BCL9L: variants seen among roughly 807,000 people sequenced by gnomAD.
The protein encoded by BCL9L is BCL9 like.
In BCL9L, 19 loss-of-function variants were observed where a neutral mutation model predicts 99.4. That is an observed-to-expected ratio of 0.19 (90% CI 0.13 to 0.28). The LOEUF (loss-of-function observed/expected upper bound fraction) is 0.28. Ranked by LOEUF, BCL9L falls within the 10% of genes least tolerant of loss-of-function variation. BCL9L has a pLI of 1.00. For missense variants in BCL9L, 2,023 were observed against 2,101.6 expected, an observed-to-expected ratio of 0.96 and a Z score of 0.73; for synonymous variants, 900 against 854.8, an observed-to-expected ratio of 1.05 and a Z score of -0.92.
In BCL9L at chr11:118,900,497, A is replaced by G; in HGVS notation, c.3124+122T>C. ...ATGTCATCATCTGCCCCATAAGCAG[A>G]GCCATCCACCTCTGGGCCCGTGGTA... On this transcript the variant is annotated intron_variant, in intron 8 of 9. Transcript: ENST00000683865. The surrounding 1 kb of genome is among the most constrained non-coding windows in gnomAD (Gnocchi z 5.3). The G allele has an allele frequency of 6.9e-7, 1 of 1,448,056 alleles. No individual in the cohort carries two copies. Among genetic ancestry groups the G allele is most frequent in the Non-Finnish European group, 9.1e-7 (1 of 1,102,574 alleles). 89.7% of individuals were successfully genotyped at this position (1,448,056 alleles called of 1,614,324 possible).
intron 1 of BCL9L, among the ~76,000 whole-genome samples, chr11:118,920,914 A>G (rs910893299): frequency 6.6e-6 from 1 of 152,184 alleles, no homozygotes; most frequent in African/African-American, 2.4e-5. Flanking sequence ...CTGTGACTAC[A>G]TACCCCAGAC....
rs1289852934 is a variant in BCL9L at position 118,899,202 on chromosome 11, G to A, written c.3713C>T (p.Ala1238Val). The part of the protein sequence containing the change: ...FPPRLQQPHG[A>V]MAPTGGGGGG... ...GCCCCCACCCCCAGTGGGGGCCATGGCACCATGGGGCTGCTGCAGCCGAGG... is the reference window on the plus strand; with the variant it reads ...GCCCCCACCCCCAGTGGGGGCCATGACACCATGGGGCTGCTGCAGCCGAGG... Residue 1238 changes from alanine to valine, a missense_variant, in exon 10 of 10, where the codon GCC (alanine) becomes GTC (valine). Transcript: ENST00000683865. 6.7e-7 allele frequency: 1 copy of A among 1,495,906 alleles called. No individual in the cohort carries two copies. The highest frequency in any genetic ancestry group is 8.9e-7 in the Non-Finnish European group (1 of 1,122,534). The allele number at this position is 1,495,906 out of a possible 1,614,324, so 92.7% of individuals were successfully genotyped here. A position where few individuals can be genotyped will look rare whatever the true frequency, so the allele number is the denominator to read the frequency against.
rs370572120 is a variant in BCL9L at position 118,899,105 on chromosome 11, C to T, written c.3810G>A (p.Pro1270=). 277 of 1,581,464 alleles carry T rather than the reference C, an allele frequency of 1.8e-4. No individual in the cohort carries two copies. Among genetic ancestry groups the T allele is most frequent in the Non-Finnish European group, 2.2e-4 (260 of 1,163,424 alleles). The change falls in exon 10 of 10, where the codon CCG becomes CCA. Residue 1270 remains proline, a synonymous_variant. Coordinates refer to ENST00000683865, the MANE Select transcript of BCL9L (RefSeq NM_001378213.1). ...ALPPEDLPNQ[P]PGPMPPQQHL... is the part of the protein sequence containing the mutation. ...GCTGCTGGGGAGGCATGGGGCCTGGCGGCTGGTTGGGCAGGTCCTCGGGAG... is the reference window on the plus strand; with the variant it reads ...GCTGCTGGGGAGGCATGGGGCCTGGTGGCTGGTTGGGCAGGTCCTCGGGAG...
rs571317824 is a variant in BCL9L, at chr11:118,903,780, C to T, written c.533-328G>A. On this transcript the variant is annotated intron_variant, in intron 5 of 9. Coordinates refer to ENST00000683865, the MANE Select transcript of BCL9L (RefSeq NM_001378213.1). This position sits in a 1 kb window ranked among gnomAD's most constrained non-coding sequence, Gnocchi z 5.6. ...ACTTAACAAAGGAGGAAATAAGTTC[C>T]TCACCCACAGTTACACAGCCAGTTA... Among the ~76,000 whole-genome samples the T allele has an allele frequency of 3.9e-5, 6 of 152,324 alleles. No individual in the cohort carries two copies. The highest frequency in any genetic ancestry group is 7.4e-5 in the Non-Finnish European group (5 of 68,024).
intron 2 of BCL9L, among the ~76,000 whole-genome samples, chr11:118,912,731 G>C (rs1940845938): frequency 6.6e-6 from 1 of 152,152 alleles, no homozygotes; most frequent in Non-Finnish European, 1.5e-5. Flanking sequence ...CTCACCAGCT[G>C]GCCCAGCAGT....
intron 5 of BCL9L, among the ~76,000 whole-genome samples, chr11:118,904,634 A>G (rs961666202): frequency 6.6e-6 from 1 of 152,212 alleles, no homozygotes; most frequent in Non-Finnish European, 1.5e-5. Flanking sequence ...ACCCATTCGC[A>G]TGCCAAGAAA....
chr11:118,898,229 C>A lies in BCL9L; in HGVS notation c.*186G>T. On this transcript the variant is annotated 3_prime_UTR_variant, in exon 10 of 10. Coordinates refer to ENST00000683865, the MANE Select transcript of BCL9L (RefSeq NM_001378213.1). The stretch of plus-strand genomic sequence containing the variant: ...AACCCCAATGCAAAATCCCCCACCC[C>A]ACACTGCCACTTCCCCCTAAGCTGC... 5.9e-6 allele frequency: 5 copies of A among 844,080 alleles called. No individual in the cohort carries two copies. The highest frequency in any genetic ancestry group is 8.9e-6 in the Non-Finnish European group (5 of 562,452). The allele number at this position is 844,080 out of a possible 1,614,324, so 52.3% of individuals were successfully genotyped here.
Position 118,910,666 on chromosome 11 carries a change from C to G in BCL9L, c.-76-651G>C, listed in dbSNP as rs1384773344. On this transcript the variant is annotated intron_variant, in intron 2 of 9. Coordinates refer to ENST00000683865, the MANE Select transcript of BCL9L (RefSeq NM_001378213.1). ...AGCCCGGGCGGAGAGGCAGAGCGAG[C>G]GAGCGACAGCCAGCGAGGCAGCGAG... 7 of 153,618 alleles carry G rather than the reference C, an allele frequency of 4.6e-5. No individual in the cohort carries two copies. The East Asian group carries it at 1.4e-3, about 30-fold the overall frequency. The allele number at this position is 153,618 out of a possible 1,614,324, so 9.5% of individuals were successfully genotyped here.
In BCL9L at chr11:118,900,716, G is replaced by A. The variant is rs777958720; in HGVS notation, c.3027C>T (p.Ala1009=). Residue 1009 remains alanine, a synonymous_variant, in exon 8 of 10, where the codon GCC becomes GCT. Coordinates refer to ENST00000683865, the MANE Select transcript of BCL9L (RefSeq NM_001378213.1). This position sits in a 1 kb window ranked among gnomAD's most constrained non-coding sequence, Gnocchi z 5.3. ...GGCTGGGCATGGCCGTCTTAGGTGAGGCAACCCAGCCTGGAGAAGGCACCG... is the reference window on the plus strand; with the variant it reads ...GGCTGGGCATGGCCGTCTTAGGTGAAGCAACCCAGCCTGGAGAAGGCACCG... The part of the protein sequence containing the change: ...SMAVPSPGWV[A]SPKTAMPSPG... The A allele has an allele frequency of 3.7e-6, 6 of 1,613,816 alleles. No individual in the cohort carries two copies. The highest frequency in any genetic ancestry group is 1.7e-5 in the Admixed American group (1 of 60,012).
Position 118,902,657 on chromosome 11 carries a change from G to A in BCL9L, c.1086C>T (p.Asn362=). ...HPNTPTATTA[N]NPLPPGGDPS... The stretch of plus-strand genomic sequence containing the variant: ...GGTCTCCTCCAGGAGGCAGAGGGTT[G>A]TTGGCGGTGGTAGCCGTCGGGGTGT... The change falls in exon 8 of 10, where the codon AAC becomes AAT. Residue 362 remains asparagine (N), a synonymous_variant. Transcript: ENST00000683865. The surrounding 1 kb of genome is among the most constrained non-coding windows in gnomAD (Gnocchi z 7.8). The A allele has an allele frequency of 6.3e-7, 1 of 1,599,652 alleles. No individual in the cohort carries two copies. Among genetic ancestry groups the A allele is most frequent in the Non-Finnish European group, 8.5e-7 (1 of 1,179,828 alleles).
In BCL9L at chr11:118,900,755, C is replaced by G; in HGVS notation, c.2988G>C (p.Lys996Asn). The change falls in exon 8 of 10, where the codon AAG becomes AAC. Residue 996 changes from lysine (K) to asparagine (N), a missense_variant. Around this residue, in one of 3 missense-constraint regions of BCL9L, gnomAD observed 902 missense variants for 888.2 expected, o/e 1.02. Transcript: ENST00000683865. The surrounding 1 kb of genome is among the most constrained non-coding windows in gnomAD (Gnocchi z 5.3). ...GAGAAGGCACCGCCATGGAAGGAGA[C>G]TTGAGCCTGCTGGGCGAGCCAGTGG... The part of the protein sequence containing the change: ...RSPTGSPSRL[K>N]SPSMAVPSPG... 1 of 1,613,782 alleles carries G rather than the reference C, an allele frequency of 6.2e-7. No homozygotes were observed. Among genetic ancestry groups the G allele is most frequent in the Non-Finnish European group, 8.5e-7 (1 of 1,179,942 alleles).
At position 118,903,361 on chromosome 11, in the gene BCL9L, G is replaced by A. The variant is rs763439485; in HGVS notation, c.624C>T (p.Gly208=). The A allele has an allele frequency of 3.7e-6, 6 of 1,605,896 alleles. No homozygotes were observed. Among genetic ancestry groups the A allele is most frequent in the Non-Finnish European group, 3.4e-6 (4 of 1,176,684 alleles). Residue 208 remains glycine, a synonymous_variant, in exon 6 of 10, where the codon GGC becomes GGT. Coordinates refer to ENST00000683865, the MANE Select transcript of BCL9L (RefSeq NM_001378213.1). The surrounding 1 kb of genome is among the most constrained non-coding windows in gnomAD (Gnocchi z 5.6). ...QLPLSESSVP[G]APHGPPPGLR... ...GGCCAGGAGGAGGGCCGTGCGGGGC[G>A]CCTGGCACGCTGCTCTCGCTGAGGG...
At position 118,903,169 on chromosome 11, in the gene BCL9L, G is replaced by A. The variant is rs1296198314; in HGVS notation, c.749+67C>T. On this transcript the variant is annotated intron_variant, in intron 6 of 9. Coordinates refer to ENST00000683865, the MANE Select transcript of BCL9L (RefSeq NM_001378213.1). The surrounding 1 kb of genome is among the most constrained non-coding windows in gnomAD (Gnocchi z 5.6). ...CCCTGCCCCTGCACGGGGCTCCCTC[G>A]GAACCCCAGGCTGAGAGGTGCTGGG... 23 of 1,448,666 alleles carry A rather than the reference G, an allele frequency of 1.6e-5. No individual in the cohort carries two copies. Among genetic ancestry groups the A allele is most frequent in the Admixed American group, 6.1e-5 (3 of 49,484 alleles). 89.7% of individuals were successfully genotyped at this position (1,448,666 alleles called of 1,614,324 possible).
intron 2 of BCL9L, chr11:118,910,228 T>A: frequency 2.2e-6 from 1 of 461,022 alleles, no homozygotes. Context: ...GCTTGCAGTC[T>A]CCAGCAAGCC....
Position 118,899,491 on chromosome 11 carries a change from G to A in BCL9L, c.3424C>T (p.Pro1142Ser). 2.5e-6 allele frequency: 4 copies of A among 1,608,450 alleles called. No homozygotes were observed. Among genetic ancestry groups the A allele is most frequent in the Non-Finnish European group, 3.4e-6 (4 of 1,178,688 alleles). ...GCTGAGTTCAGGTGCATCTGGCTGG[G>A]CTGGCTGTTGCTGATCCCTGTAGGG... ...GSGPGISNSQPSQMHLNSAAA... is the reference protein window; with the variant it reads ...GSGPGISNSQSSQMHLNSAAA... Residue 1142 changes from proline to serine, a missense_variant, in exon 10 of 10, where the codon CCC becomes TCC. This residue lies in a region of BCL9L where 902 missense variants were observed against 888.2 expected (regional missense o/e 1.02). Coordinates refer to ENST00000683865, the MANE Select transcript of BCL9L (RefSeq NM_001378213.1).
rs1193655089 is a variant in BCL9L at position 118,903,108 on chromosome 11, G to A, written c.750-34C>T. On this transcript the variant is annotated intron_variant, in intron 6 of 9. Transcript: ENST00000683865. The surrounding 1 kb of genome is among the most constrained non-coding windows in gnomAD (Gnocchi z 5.6). Reference sequence around the variant, plus strand: ...AGTGGGGGCACCGACAGCTCAGAGAGGTGAGCAGGAGGGAGCCCCACCCTC... The same window carrying A: ...AGTGGGGGCACCGACAGCTCAGAGAAGTGAGCAGGAGGGAGCCCCACCCTC... The A allele has an allele frequency of 1.3e-6, 2 of 1,555,432 alleles. No homozygotes were observed. The highest frequency in any genetic ancestry group is 2.4e-5 in the South Asian group (2 of 84,968).
In BCL9L at chr11:118,900,245, C is replaced by T. The variant is rs1437369824; in HGVS notation, c.3125-47G>A. On this transcript the variant is annotated intron_variant, in intron 8 of 9. Transcript: ENST00000683865. The surrounding 1 kb of genome is among the most constrained non-coding windows in gnomAD (Gnocchi z 5.3). ...GAGAGCAGGGGTGACTGGGGAGGGG[C>T]AGATGAGTTTGGCTGTGGATATGGG... 2 of 1,519,614 alleles carry T rather than the reference C, an allele frequency of 1.3e-6. No homozygotes were observed. The highest frequency in any genetic ancestry group is 1.8e-6 in the Non-Finnish European group (2 of 1,130,920). 94.1% of individuals were successfully genotyped at this position (1,519,614 alleles called of 1,614,324 possible).
Position 118,901,627 on chromosome 11 carries a change from T to C in BCL9L, c.2116A>G (p.Met706Val). 1 of 1,613,858 alleles carries C rather than the reference T, an allele frequency of 6.2e-7. No individual in the cohort carries two copies. Among genetic ancestry groups the C allele is most frequent in the Non-Finnish European group, 8.5e-7 (1 of 1,180,020 alleles). ...GMAGSGMGQS[M>V]EMERMMQAHR... ...GCCTGCATCATCCGCTCCATCTCCA[T>C]GCTCTGTCCCATGCCACTGCCTGCC... The change falls in exon 8 of 10, where the codon ATG (methionine) becomes GTG (valine). Residue 706 changes from methionine (M) to valine (V), a missense_variant. Coordinates refer to ENST00000683865, the MANE Select transcript of BCL9L (RefSeq NM_001378213.1). This position sits in a 1 kb window ranked among gnomAD's most constrained non-coding sequence, Gnocchi z 6.6.
intron 9 of BCL9L, among the ~76,000 whole-genome samples, 176 bp downstream of exon 9, chr11:118,899,741 T>G (rs554213282): frequency 6.6e-6 from 1 of 152,162 alleles, no homozygotes; most frequent in Admixed American, 6.5e-5. Context: ...ACCACTCGAG[T>G]GCTCTGGGCT....
Sources: gnomAD v4.1 joint callset for allele counts (sites outside exome capture counted in the v4.1 genomes callset) on GRCh38, gnomAD v4.1.1 for gene constraint, gnomAD v4.1.1 regional missense constraint, Gnocchi (gnomAD v3.1) non-coding constraint, MANE v1.5 for transcripts, NCBI Gene and HGNC (gene_info 2026-07-23, HGNC 2026-07-21) for gene names.